Variants in RGS3 observed in about 807,000 individuals in gnomAD.
RGS3 encodes regulator of G-protein signalling 3.
Under a neutral mutation model 132.6 loss-of-function variants are expected in RGS3, and 80 were observed. The observed-to-expected ratio is 0.60, with a 90% CI of 0.50 to 0.73. The LOEUF is 0.73. Among genes scored for constraint, RGS3 ranks in the 30% least tolerant of loss-of-function variants. The pLI is 0.00. For synonymous variants in RGS3, 598 were observed against 620.6 expected, an observed-to-expected ratio of 0.96 and a Z score of 0.54; for missense variants, 1,382 against 1,530.8, an observed-to-expected ratio of 0.90 and a Z score of 1.62.
chr9:113,523,695 G>A (rs543458072), intron 17 of RGS3, among the ~76,000 whole-genome samples: 1 of 152,248 alleles, frequency 6.6e-6, no homozygotes, highest in Admixed American at 6.5e-5. Context: ...ATCTGTCAGT[G>A]GTTTGGTTTG....
intron 10 of RGS3, chr9:113,501,616 C>T (rs759916588): frequency 5.8e-6 from 9 of 1,561,906 alleles, no homozygotes; most frequent in South Asian, 2.3e-5. Context: ...GTGCTCGGAG[C>T]GCCGCTACCG....
intron 2 of RGS3, chr9:113,462,009 T>C: frequency 1.2e-6 from 2 of 1,612,398 alleles, no homozygotes; most frequent in Non-Finnish European, 1.7e-6. Flanking sequence ...TGCTCCCATC[T>C]TGCTCCTGCA....
At chr9:113,528,930 C>A (rs556764615) in intron 17 of RGS3, among the ~76,000 whole-genome samples, 6 of 152,348 alleles carry the variant, frequency 3.9e-5, no homozygotes, top group South Asian at 2.1e-4. Flanking sequence ...GGGCTCCCCC[C>A]AGTACCTGAT....
chr9:113,562,946 A>G (rs1292115851), intron 19 of RGS3, among the ~76,000 whole-genome samples: 1 of 152,124 alleles, frequency 6.6e-6, no homozygotes, highest in East Asian at 1.9e-4. Flanking sequence ...TGACTCCCCT[A>G]TCCTGCCCTA....
chr9:113,536,509 C>T, intron 18 of RGS3: 1 of 1,135,404 alleles, frequency 8.8e-7, no homozygotes, highest in Non-Finnish European at 1.1e-6. Context: ...ACCTCATCGG[C>T]TCTGTCCTGC....
At chr9:113,461,922 C>A in intron 2 of RGS3, 1 of 1,595,122 alleles carries the variant, frequency 6.3e-7, no homozygotes. Flanking sequence ...TTGCTGTTTC[C>A]TGAACACCAT....
chr9:113,487,372 A>G (rs1028078420), intron 7 of RGS3, among the ~76,000 whole-genome samples: 8 of 151,856 alleles, frequency 5.3e-5, no homozygotes, highest in Non-Finnish European at 4.4e-5. Flanking sequence ...CGGCCTCCCA[A>G]AGTGCTGGGA....
At chr9:113,553,114 A>G (rs1833406946) in intron 19 of RGS3, among the ~76,000 whole-genome samples, 1 of 152,046 alleles carries the variant, frequency 6.6e-6, no homozygotes, top group Admixed American at 6.6e-5. Context: ...TTACTAAATA[A>G]TATCATATTA....
At chr9:113,509,583 G>A (rs1190461106) in intron 14 of RGS3, among the ~76,000 whole-genome samples, 1 of 152,196 alleles carries the variant, frequency 6.6e-6, no homozygotes, top group Non-Finnish European at 1.5e-5. Context: ...TGAGGCTGAA[G>A]CTGGCTGGGC....
At chr9:113,529,671 C>T (rs1480792261) in intron 18 of RGS3, among the ~76,000 whole-genome samples, 2 of 152,218 alleles carry the variant, frequency 1.3e-5, no homozygotes, top group Non-Finnish European at 2.9e-5. Flanking sequence ...GTACCACCAA[C>T]GACCCCTTGT....
At position 113,507,864 on chromosome 9, in the gene RGS3, A is replaced by G. The variant is rs1259856900; in HGVS notation, c.1437+226A>G. 6.6e-6 allele frequency among the ~76,000 whole-genome samples: 1 copy of G among 152,216 alleles called. No individual in the cohort carries two copies. The highest frequency in any genetic ancestry group is 1.5e-5 in the Non-Finnish European group (1 of 68,044). ...ACAGATTCAAGACCAGGGCATGCAC[A>G]GGCTGGAAGATTTCAACTCACAGAA... is the stretch of plus-strand genomic sequence containing the variant. On this transcript the variant is annotated intron_variant, in intron 13 of 24. Transcript: ENST00000350696. The surrounding 1 kb of genome is among the most constrained non-coding windows in gnomAD (Gnocchi z 5.0).
intron 19 of RGS3, among the ~76,000 whole-genome samples, chr9:113,544,129 A>G (rs1349160603): frequency 6.6e-6 from 1 of 152,000 alleles, no homozygotes; most frequent in Non-Finnish European, 1.5e-5. Flanking sequence ...AGAAGCACAC[A>G]ATGGCCTCTT....
In RGS3 at chr9:113,461,715, C is replaced by G. The variant is rs1386600149; in HGVS notation, c.89C>G (p.Ser30Ter). 5 of 1,613,622 alleles carry G rather than the reference C, an allele frequency of 3.1e-6. No homozygotes were observed. In the Admixed American group the frequency reaches 8.3e-5, roughly 27 times the overall value. Residue 30 changes from serine to a stop codon, truncating the protein, a stop_gained, in exon 2 of 25, where the codon TCA becomes TGA. Coordinates refer to ENST00000350696, the Ensembl canonical transcript of RGS3. LOFTEE classifies it high-confidence loss of function. ...GGTCTTTTCTCTCCTAGGTCACATT[C>G]AGACAGCACACCTTTGCCCAATTTT...
chr9:113,459,245 C>T (rs1025634783), upstream of RGS3, among the ~76,000 whole-genome samples: 1 of 152,192 alleles, frequency 6.6e-6, no homozygotes, highest in African/African-American at 2.4e-5. Context: ...TCTTGAAGAT[C>T]TTATAGAATT....
chr9:113,552,191 GA>G (rs1053867532), intron 19 of RGS3, among the ~76,000 whole-genome samples: 1 of 152,114 alleles, frequency 6.6e-6, no homozygotes, highest in Non-Finnish European at 1.5e-5. Context: ...CATATAGTAT[GA>G]GGCAGATTAC....
At chr9:113,596,987 G>T in exon 25 of RGS3, 1 of 1,554,274 alleles carries the variant, frequency 6.4e-7, no homozygotes. Context: ...GTTCACACCA[G>T]GCGGGCTGGG....
At chr9:113,555,749 G>A (rs964669316) in intron 19 of RGS3, among the ~76,000 whole-genome samples, 1 of 152,150 alleles carries the variant, frequency 6.6e-6, no homozygotes, top group South Asian at 2.1e-4. Context: ...ACAGGCGTGA[G>A]CCACCCTGGC....
At chr9:113,531,566 G>T (rs577519853) in intron 18 of RGS3, among the ~76,000 whole-genome samples, 1 of 152,106 alleles carries the variant, frequency 6.6e-6, no homozygotes, top group Non-Finnish European at 1.5e-5. Context: ...CAAGGGGAAG[G>T]GCTCTTCATA....
At chr9:113,469,823 T>C (rs1226093303) in intron 3 of RGS3, among the ~76,000 whole-genome samples, 1 of 152,176 alleles carries the variant, frequency 6.6e-6, no homozygotes, top group East Asian at 1.9e-4. Context: ...CTTTGCATTT[T>C]AGTCAGAGAA....
Sources: gnomAD v4.1 joint callset for allele counts (sites outside exome capture counted in the v4.1 genomes callset) on GRCh38, gnomAD v4.1.1 for gene constraint, Gnocchi (gnomAD v3.1) non-coding constraint, MANE v1.5 for transcripts, NCBI Gene and HGNC (gene_info 2026-07-23, HGNC 2026-07-21) for gene names.